PKIB: variants seen among roughly 807,000 people sequenced by gnomAD.
PKIB encodes PKI-beta.
In PKIB, 2 loss-of-function variants were observed where a neutral mutation model predicts 4.5. That is an observed-to-expected ratio of 0.44 (90% CI 0.18 to 1.39). The LOEUF is 1.39. Ranked by LOEUF, PKIB falls within the 40% of genes most tolerant of loss-of-function variation. The pLI is 0.27. For missense variants in PKIB, 94 were observed against 92.6 expected (o/e 1.02, Z -0.06); for synonymous variants, 38 against 36.0 (o/e 1.06, Z -0.20).
intron 2 of PKIB, chr6:122,483,130 A>C (rs961990622): frequency 2.0e-5 from 3 of 152,176 alleles, no homozygotes; most frequent in African/African-American, 7.2e-5. Context: ...TATTTGTCGA[A>C]GTATTACATT....
At chr6:122,570,606 C>T (rs1773333145) in intron 2 of PKIB, among the ~76,000 whole-genome samples, 1 of 152,098 alleles carries the variant, frequency 6.6e-6, no homozygotes, top group Non-Finnish European at 1.5e-5. Context: ...CTGGAAAAGC[C>T]AGTGCACAAA....
chr6:122,537,078 C>T (rs923115962), intron 2 of PKIB, among the ~76,000 whole-genome samples: 3 of 151,890 alleles, frequency 2.0e-5, no homozygotes, highest in Non-Finnish European at 4.4e-5. Flanking sequence ...TTTCTTTATA[C>T]TGGTGCTGCC....
chr6:122,499,259 C>A (rs1156669073), intron 2 of PKIB, among the ~76,000 whole-genome samples: 2 of 151,992 alleles, frequency 1.3e-5, no homozygotes, highest in East Asian at 1.9e-4. Context: ...AAGAAACAAC[C>A]AAAAACAAAC....
chr6:122,560,597 A>G (rs924914712), intron 2 of PKIB, among the ~76,000 whole-genome samples: 5 of 152,124 alleles, frequency 3.3e-5, no homozygotes, highest in African/African-American at 1.2e-4. Flanking sequence ...CTTGTGGAAT[A>G]GTGTCAAAAG....
chr6:122,484,732 A>G (rs923127143), intron 2 of PKIB, among the ~76,000 whole-genome samples: 2 of 152,204 alleles, frequency 1.3e-5, no homozygotes, highest in African/African-American at 2.4e-5. Flanking sequence ...AAAACAACAT[A>G]TCACATCCCG....
chr6:122,710,747 A>G (rs936896913), intron 3 of PKIB, among the ~76,000 whole-genome samples: 3 of 152,188 alleles, frequency 2.0e-5, no homozygotes, highest in Non-Finnish European at 2.9e-5. Context: ...GCCAAATTCC[A>G]CAGTATCTAG....
chr6:122,483,887 C>T (rs1775691102), intron 2 of PKIB: 1 of 152,194 alleles, frequency 6.6e-6, no homozygotes. Flanking sequence ...GAGAGCTTTT[C>T]TTGTATCTTT....
At chr6:122,725,068 TA>T in intron 4 of PKIB, 59 bp from the exon 5 acceptor site, 2 of 1,299,742 alleles carry the variant, frequency 1.5e-6, no homozygotes, top group Non-Finnish European at 2.2e-6. Flanking sequence ...GGTTTTATTC[TA>T]ACATAATACA....
intron 2 of PKIB, among the ~76,000 whole-genome samples, chr6:122,646,914 G>A (rs1190460053): frequency 4.0e-5 from 6 of 151,830 alleles, no homozygotes; most frequent in Non-Finnish European, 5.9e-5. Flanking sequence ...TTTTCTTACT[G>A]GAAGTCATTT....
intron 2 of PKIB, among the ~76,000 whole-genome samples, chr6:122,550,424 A>G (rs1187129596): frequency 6.6e-6 from 1 of 152,144 alleles, no homozygotes; most frequent in Non-Finnish European, 1.5e-5. Context: ...TTTATAACTG[A>G]GCATTTTAGA....
chr6:122,509,760 A>C (rs1324194929), intron 2 of PKIB, among the ~76,000 whole-genome samples: 1 of 152,064 alleles, frequency 6.6e-6, no homozygotes, highest in East Asian at 1.9e-4. Context: ...AATATACTGT[A>C]AGCATTTTTA....
intron 2 of PKIB, among the ~76,000 whole-genome samples, chr6:122,566,846 G>T (rs1464700996): frequency 6.6e-6 from 1 of 152,114 alleles, no homozygotes; most frequent in Non-Finnish European, 1.5e-5. Context: ...ACTTCAATGA[G>T]TGTACACATA....
chr6:122,671,812 T>C (rs17676223), intron 2 of PKIB, among the ~76,000 whole-genome samples: 22,046 of 152,212 alleles, frequency 0.14, 2,052 homozygotes, highest in East Asian at 0.23. Flanking sequence ...GCTTCAGACC[T>C]GATAGATTCT....
intron 2 of PKIB, among the ~76,000 whole-genome samples, chr6:122,576,689 A>AAAAATAT (rs1345822382): frequency 0.021 from 708 of 34,320 alleles, 75 homozygotes; most frequent in East Asian, 0.036. Flanking sequence ...AAAAAAAAAA[A>AAAAATAT]ATATATATAT....
chr6:122,594,445 TC>T (rs1395826476), intron 3 of PKIB, among the ~76,000 whole-genome samples: 5 of 152,208 alleles, frequency 3.3e-5, no homozygotes, highest in African/African-American at 2.4e-5. Context: ...GACCTCATGA[TC>T]TGCCCGCCTC....
At chr6:122,494,724 A>G (rs1302601910) in intron 2 of PKIB, among the ~76,000 whole-genome samples, 1 of 152,202 alleles carries the variant, frequency 6.6e-6, no homozygotes, top group Non-Finnish European at 1.5e-5. Context: ...TCACCAAAGA[A>G]GCGACAGGAA....
chr6:122,689,677 G>A (rs1463279246), intron 3 of PKIB, among the ~76,000 whole-genome samples: 3 of 152,140 alleles, frequency 2.0e-5, no homozygotes, highest in African/African-American at 4.8e-5. Flanking sequence ...TCTAACATAT[G>A]GTCTATTCTT....
chr6:122,483,463 ACTCCTAGGT>A (rs1434746882), intron 2 of PKIB: 1 of 151,970 alleles, frequency 6.6e-6, no homozygotes, highest in Non-Finnish European at 1.5e-5. Flanking sequence ...TTCCTAATAC[ACTCCTAGGT>A]TTTCTGGTTA....
At chr6:122,538,444 C>T (rs1777476941) in intron 2 of PKIB, among the ~76,000 whole-genome samples, 1 of 151,960 alleles carries the variant, frequency 6.6e-6, no homozygotes, top group South Asian at 2.1e-4. Context: ...GAATCCTTTC[C>T]CCATTTCTTG....
Sources: allele counts gnomAD v4.1 joint callset (sites outside exome capture counted in the v4.1 genomes callset), GRCh38; gene constraint gnomAD v4.1.1; transcripts MANE v1.5; gene names NCBI Gene and HGNC (gene_info 2026-07-23, HGNC 2026-07-21).